Variants in IL1RAPL2 observed in about 807,000 individuals in gnomAD.
IL1RAPL2 encodes the protein interleukin 1 receptor accessory protein like 2, also known as X-linked interleukin-1 receptor accessory protein-like 2.
A neutral mutation model predicts 44.1 loss-of-function variants in IL1RAPL2; 3 were observed. That is an observed-to-expected ratio of 0.07 (90% confidence interval 0.03 to 0.18). The LOEUF (loss-of-function observed/expected upper bound fraction) is 0.18, where lower values mean the gene tolerates loss of function less well. IL1RAPL2 is among the 10% of genes least tolerant of loss of function. The probability of loss-of-function intolerance (pLI) is 1.00; values close to 1 mark genes in which losing one functional copy is unlikely to be tolerated. For synonymous variants in IL1RAPL2, 181 were observed against 178.8 expected (o/e 1.01, Z -0.10); for missense variants, 391 against 496.4 (o/e 0.79, Z 2.02).
intron 5 of IL1RAPL2, among the ~76,000 whole-genome samples, chrX:105,277,461 C>A (rs1158743986): frequency 2.7e-5 from 3 of 110,607 alleles, no homozygotes; most frequent in Non-Finnish European, 5.6e-5. Context: ...GCCTACCCAG[C>A]CCACCCTGGA....
chrX:105,143,828 G>C (rs1181268041), intron 2 of IL1RAPL2, among the ~76,000 whole-genome samples: 2 of 109,905 alleles, frequency 1.8e-5, no homozygotes, highest in Non-Finnish European at 3.8e-5. Flanking sequence ...ATCACACACA[G>C]GGGCCTGTTG....
chrX:104,569,619 T>C (rs1928107805), intron 1 of IL1RAPL2, among the ~76,000 whole-genome samples: 1 of 112,399 alleles, frequency 8.9e-6, no homozygotes, highest in South Asian at 3.7e-4. Flanking sequence ...AATCTGACCA[T>C]ATAAAAAAGA....
chrX:105,116,496 T>A (rs1163883716), intron 2 of IL1RAPL2, among the ~76,000 whole-genome samples: 1 of 98,405 alleles, frequency 1.0e-5, no homozygotes, highest in Non-Finnish European at 1.9e-5. Flanking sequence ...CATAGCAGAT[T>A]GACATAGCAG....
chrX:105,360,955 A>G (rs996692929), intron 5 of IL1RAPL2, among the ~76,000 whole-genome samples: 7 of 111,549 alleles, frequency 6.3e-5, no homozygotes, highest in Non-Finnish European at 1.1e-4. Context: ...CTATTTAATG[A>G]TTATCTATAG....
chrX:105,699,061 G>GT (rs976939228), intron 6 of IL1RAPL2, among the ~76,000 whole-genome samples: 1 of 109,888 alleles, frequency 9.1e-6, no homozygotes, highest in Non-Finnish European at 1.9e-5. Flanking sequence ...AATATGTAGG[G>GT]TTTTTTTTCT....
chrX:105,698,375 C>T (rs1405231296), intron 6 of IL1RAPL2, among the ~76,000 whole-genome samples: 1 of 111,680 alleles, frequency 9.0e-6, no homozygotes, highest in Admixed American at 9.5e-5. Flanking sequence ...GATATTTTAA[C>T]TAAACTTAAC....
intron 2 of IL1RAPL2, among the ~76,000 whole-genome samples, chrX:104,860,686 C>T (rs1231975288): frequency 9.0e-6 from 1 of 110,811 alleles, no homozygotes; most frequent in Non-Finnish European, 1.9e-5. Context: ...CTTTTAGACT[C>T]ATGTCAGCAC....
intron 2 of IL1RAPL2, among the ~76,000 whole-genome samples, chrX:105,049,488 T>C (rs1190516243): frequency 9.0e-6 from 1 of 111,458 alleles, no homozygotes; most frequent in Non-Finnish European, 1.9e-5. Context: ...GGGAATTACA[T>C]AGTCATAGAC....
At chrX:104,801,239 G>C (rs1165761964) in intron 2 of IL1RAPL2, among the ~76,000 whole-genome samples, 1 of 111,945 alleles carries the variant, frequency 8.9e-6, no homozygotes, top group Non-Finnish European at 1.9e-5. Context: ...GAGTTGTTTT[G>C]ATAGAATAAT....
At chrX:105,586,881 C>A (rs776204245) in intron 6 of IL1RAPL2, among the ~76,000 whole-genome samples, 6 of 112,202 alleles carry the variant, frequency 5.3e-5, no homozygotes, top group African/African-American at 1.3e-4. Flanking sequence ...ATTATATATG[C>A]CTTGGCCTCC....
chrX:104,934,053 A>G (rs947962717), intron 2 of IL1RAPL2, among the ~76,000 whole-genome samples: 1 of 112,371 alleles, frequency 8.9e-6, no homozygotes, highest in African/African-American at 3.2e-5. Context: ...TTAGAAATTG[A>G]TGATTTTAGC....
At chrX:104,728,719 C>T (rs774591229) in intron 2 of IL1RAPL2, among the ~76,000 whole-genome samples, 2 of 111,180 alleles carry the variant, frequency 1.8e-5, no homozygotes, top group African/African-American at 3.3e-5. Flanking sequence ...ATGCTAGGGG[C>T]AGGGCCTAGA....
chrX:105,495,883 G>T (rs778458011), intron 6 of IL1RAPL2, among the ~76,000 whole-genome samples: 1 of 111,525 alleles, frequency 9.0e-6, no homozygotes, highest in Non-Finnish European at 1.9e-5. Context: ...TGAAAAACTG[G>T]TTCAGGCCAT....
At chrX:104,843,297 C>G (rs1894023181) in intron 2 of IL1RAPL2, among the ~76,000 whole-genome samples, 1 of 111,954 alleles carries the variant, frequency 8.9e-6, no homozygotes, top group Non-Finnish European at 1.9e-5. Flanking sequence ...GACTTCTGCA[C>G]TGGCTGTGAG....
At chrX:105,756,944 C>T (rs2038644272) in intron 10 of IL1RAPL2, among the ~76,000 whole-genome samples, 1 of 110,463 alleles carries the variant, frequency 9.1e-6, no homozygotes, top group Non-Finnish European at 1.9e-5. Flanking sequence ...GTTAATTATC[C>T]CTCTATCTTC....
intron 1 of IL1RAPL2, among the ~76,000 whole-genome samples, chrX:104,629,475 C>T (rs191878370): frequency 3.6e-5 from 4 of 111,859 alleles, no homozygotes; most frequent in Non-Finnish European, 7.5e-5. Context: ...TCCCATTTGA[C>T]GGGTTGTCCT....
At chrX:105,073,206 C>T (rs2032235152) in intron 2 of IL1RAPL2, among the ~76,000 whole-genome samples, 1 of 66,264 alleles carries the variant, frequency 1.5e-5, no homozygotes, top group African/African-American at 5.7e-5. Context: ...CCCCCCACCC[C>T]ACAACAGGCC....
rs1307225236 is a variant in IL1RAPL2, at chrX:105,754,420, AG to A, written c.1193-756del. 1.6e-3 allele frequency among the ~76,000 whole-genome samples: 165 copies of A among 106,090 alleles called. 3 individuals are homozygous for A. The highest frequency in any genetic ancestry group is 5.5e-3 in the African/African-American group (160 of 29,145). 92.1% of individuals were successfully genotyped at this position (106,090 alleles called of 115,157 possible). On this transcript the variant is annotated intron_variant, in intron 9 of 10. Coordinates refer to ENST00000372582, the MANE Select transcript of IL1RAPL2 (RefSeq NM_017416.2). ...CTGGCTCTGAGCCAATACAGCAAAAAGAGGAAAAAATACACTTGCAAAGCAC... is the reference window on the plus strand; with the variant it reads ...CTGGCTCTGAGCCAATACAGCAAAAAAGGAAAAAATACACTTGCAAAGCAC...
Position 104,600,375 on chromosome X carries a change from TAG to T in IL1RAPL2, c.-20+33326_-20+33327del, listed in dbSNP as rs762530839. ...TAAATCCAGTTTTATGCTATGAAAA[TAG>T]AAAGTGAAAGCACGTTCACTGTACC... On this transcript the variant is annotated intron_variant, in intron 1 of 10. Coordinates refer to ENST00000372582, the MANE Select transcript of IL1RAPL2 (RefSeq NM_017416.2). Among the ~76,000 whole-genome samples, 385 of 111,249 alleles carry T rather than the reference TAG, an allele frequency of 3.5e-3. 1 individual carries two copies. Among genetic ancestry groups the T allele is most frequent in the African/African-American group, 0.012 (375 of 30,626 alleles).
Sources: gnomAD v4.1 joint callset for allele counts (sites outside exome capture counted in the v4.1 genomes callset) on GRCh38, gnomAD v4.1.1 for gene constraint, MANE v1.5 for transcripts, NCBI Gene and HGNC (gene_info 2026-07-23, HGNC 2026-07-21) for gene names.